Variants in TBX15 observed in about 807,000 individuals in gnomAD.
TBX15 encodes T-box transcription factor TBX15.
Under a neutral mutation model 53.9 loss-of-function variants are expected in TBX15, and 18 were observed. That is an observed-to-expected ratio of 0.33 (90% CI 0.23 to 0.49). The LOEUF is 0.49. Among genes scored for constraint, TBX15 ranks in the 20% least tolerant of loss-of-function variants. The pLI is 0.98. For missense variants in TBX15, 692 were observed against 749.5 expected, an observed-to-expected ratio of 0.92 and a Z score of 0.90; for synonymous variants, 295 against 278.0, an observed-to-expected ratio of 1.06 and a Z score of -0.61.
intron 1 of TBX15, among the ~76,000 whole-genome samples, chr1:118,971,148 A>G (rs1209017616): frequency 6.6e-6 from 1 of 152,214 alleles, no homozygotes; most frequent in Non-Finnish European, 1.5e-5. Context: ...CCACAATCTA[A>G]TTATGCTTCT....
At chr1:118,927,825 A>G (rs1327282541) in intron 2 of TBX15, among the ~76,000 whole-genome samples, 1 of 152,112 alleles carries the variant, frequency 6.6e-6, no homozygotes, top group Admixed American at 6.5e-5. Context: ...CATCAAGCTC[A>G]AGCTCTTTTG....
At chr1:118,988,617 C>A (rs1000112696), upstream of TBX15, among the ~76,000 whole-genome samples, 4 of 152,176 alleles carry the variant, frequency 2.6e-5, no homozygotes, top group South Asian at 2.1e-4. Context: ...CAAATCCATA[C>A]GTTTTTCTTC....
chr1:118,959,932 C>T (rs1369608992), intron 1 of TBX15, among the ~76,000 whole-genome samples: 2 of 152,042 alleles, frequency 1.3e-5, no homozygotes, highest in Non-Finnish European at 2.9e-5. Flanking sequence ...CAGAGAAAAG[C>T]CCTAGACTGA....
At position 118,987,755 on chromosome 1, in the gene TBX15, C is replaced by A; in HGVS notation, c.41G>T (p.Arg14Leu). ...RRRSAVALSSRAHAFSVEALI... is the reference protein window; with the variant it reads ...RRRSAVALSSLAHAFSVEALI... ...GGCTTCAACGGAGAAGGCATGTGCTCGCGAGCTCAGGGCGACTGCAGATCT... is the reference window on the plus strand; with the variant it reads ...GGCTTCAACGGAGAAGGCATGTGCTAGCGAGCTCAGGGCGACTGCAGATCT... Residue 14 changes from arginine (R) to leucine (L), a missense_variant, in exon 1 of 8, where the codon CGA becomes CTA. By Grantham distance (102) the Arg-to-Leu change is moderately radical (BLOSUM62 -2). This residue lies in a region of TBX15 where 307 missense variants were observed against 347.5 expected (regional missense o/e 0.88). Coordinates refer to ENST00000369429, the MANE Select transcript of TBX15 (RefSeq NM_001330677.2). 1 of 1,550,296 alleles carries A rather than the reference C, an allele frequency of 6.5e-7. No homozygotes were observed. The highest frequency in any genetic ancestry group is 8.7e-7 in the Non-Finnish European group (1 of 1,146,838).
intron 5 of TBX15, among the ~76,000 whole-genome samples, chr1:118,922,323 G>A (rs972944095): frequency 2.0e-5 from 3 of 152,054 alleles, no homozygotes; most frequent in Admixed American, 1.3e-4. Flanking sequence ...CTCCAATTTC[G>A]AACAATGCAC....
intron 7 of TBX15, among the ~76,000 whole-genome samples, chr1:118,892,402 G>T (rs888342887): frequency 5.9e-5 from 9 of 152,146 alleles, no homozygotes; most frequent in Middle Eastern, 3.4e-3. Context: ...TCAGTAGAAA[G>T]AAATGCACAA....
chr1:118,896,981 G>T (rs541196894), intron 7 of TBX15, among the ~76,000 whole-genome samples: 1 of 152,100 alleles, frequency 6.6e-6, no homozygotes, highest in Admixed American at 6.6e-5. Context: ...ATCACCATAT[G>T]TATCCAATAA....
At chr1:118,893,317 A>AAG (rs1235790582) in intron 7 of TBX15, among the ~76,000 whole-genome samples, 1,350 of 65,364 alleles carry the variant, frequency 0.021, 56 homozygotes, top group African/African-American at 0.064. Flanking sequence ...AAGGAAGGAA[A>AAG]GAAAGAAAGA....
rs1175302676 is a variant in TBX15 at position 118,987,675 on chromosome 1, C to A, written c.121G>T (p.Asp41Tyr). ...KLRDWEEKGLDLSMEALSPAG... is the reference protein window; with the variant it reads ...KLRDWEEKGLYLSMEALSPAG... ...GGGCTCAGCGCCTCCATAGACAGGT[C>A]CAGCCCCTTCTCCTCCCAGTCTCGC... The change falls in exon 1 of 8, where the codon GAC (aspartate) becomes TAC (tyrosine). Residue 41 changes from aspartate to tyrosine, a missense_variant. Asp to Tyr is a radical substitution (Grantham distance 160). This residue lies in a region of TBX15 where 307 missense variants were observed against 347.5 expected (regional missense o/e 0.88). Transcript: ENST00000369429. 3 of 1,550,270 alleles carry A rather than the reference C, an allele frequency of 1.9e-6. No individual in the cohort carries two copies. The highest frequency in any genetic ancestry group is 8.7e-7 in the Non-Finnish European group (1 of 1,146,856).
Position 118,984,569 on chromosome 1 carries a change from G to A in TBX15, c.205+3022C>T, listed in dbSNP as rs553482748. 9.2e-5 allele frequency among the ~76,000 whole-genome samples: 14 copies of A among 152,352 alleles called. No homozygotes were observed. The East Asian group carries it at 2.7e-3, about 29-fold the overall frequency. On this transcript the variant is annotated intron_variant, in intron 1 of 7. Transcript: ENST00000369429. ...CAGCTGTTCCAGCCGATCCTAGCTC[G>A]AAAGTTCCTCTGTTGCTCTGGGAGA...
intron 4 of TBX15, 105 bp downstream of exon 4, chr1:118,924,541 A>T: frequency 3.0e-6 from 4 of 1,353,110 alleles, no homozygotes; most frequent in Non-Finnish European, 4.2e-6. Flanking sequence ...TTAAAGTGGC[A>T]TAGAGATTCC....
intron 6 of TBX15, among the ~76,000 whole-genome samples, chr1:118,912,102 G>A (rs879658302): frequency 2.0e-5 from 3 of 151,722 alleles, no homozygotes; most frequent in South Asian, 2.1e-4. Context: ...TTAGAAAAAC[G>A]AATAAAAACT....
intron 1 of TBX15, among the ~76,000 whole-genome samples, chr1:118,946,933 A>G (rs1190127868): frequency 1.3e-5 from 2 of 152,224 alleles, no homozygotes; most frequent in Non-Finnish European, 2.9e-5. Context: ...TTAGTGGCAC[A>G]GGAACCCCAA....
chr1:118,884,943 T>C lies in TBX15; in HGVS notation c.1598A>G (p.Glu533Gly), dbSNP rs552688480. The change falls in exon 8 of 8, where the codon GAA (glutamate) becomes GGA (glycine). Residue 533 changes from glutamate (E) to glycine (G), a missense_variant. This residue lies in a region of TBX15 where 375 missense variants were observed against 371.6 expected (regional missense o/e 1.01). Transcript: ENST00000369429. ...AGTGCTTTGAGAGGCGCTCAGTTTT[T>C]CCGGGCTTGCAGCTAGCCTAGGGGA... ...PTSPRLAASP[E>G]KLSASQSTLL... The C allele has an allele frequency of 2.5e-6, 4 of 1,614,178 alleles. No homozygotes were observed. The highest frequency in any genetic ancestry group is 3.4e-6 in the Non-Finnish European group (4 of 1,180,032).
intron 2 of TBX15, among the ~76,000 whole-genome samples, chr1:118,929,418 T>C (rs1194265914): frequency 6.6e-6 from 1 of 152,026 alleles, no homozygotes; most frequent in Non-Finnish European, 1.5e-5. Context: ...ACCAGGAGAA[T>C]GAGAAGGAAT....
At chr1:118,928,145 C>G (rs1253720801) in intron 2 of TBX15, among the ~76,000 whole-genome samples, 2 of 152,206 alleles carry the variant, frequency 1.3e-5, no homozygotes, top group Non-Finnish European at 2.9e-5. Flanking sequence ...CCAGGAGAAG[C>G]AACCCAAAAG....
intron 1 of TBX15, among the ~76,000 whole-genome samples, chr1:118,976,455 T>A (rs544449565): frequency 3.9e-5 from 6 of 152,286 alleles, no homozygotes; most frequent in African/African-American, 1.4e-4. Flanking sequence ...CTATTTCCTA[T>A]CCGGTAAAGT....
At chr1:118,913,473 C>T (rs1454386787) in intron 6 of TBX15, among the ~76,000 whole-genome samples, 1 of 152,094 alleles carries the variant, frequency 6.6e-6, no homozygotes, top group East Asian at 1.9e-4. Context: ...GAAGTATCAA[C>T]AAGAGAAATG....
At chr1:118,982,670 T>C (rs1387111268) in intron 1 of TBX15, among the ~76,000 whole-genome samples, 2 of 152,236 alleles carry the variant, frequency 1.3e-5, no homozygotes, top group Admixed American at 1.3e-4. Context: ...TATTAAAAGA[T>C]TTTAAACAAA....
Sources: allele counts gnomAD v4.1 joint callset (sites outside exome capture counted in the v4.1 genomes callset), GRCh38; gene constraint gnomAD v4.1.1; regional missense constraint gnomAD v4.1.1; transcripts MANE v1.5; gene names NCBI Gene and HGNC (gene_info 2026-07-23, HGNC 2026-07-21).